DOCK4: variants seen among roughly 807,000 people sequenced by gnomAD.
DOCK4 encodes dedicator of cytokinesis 4.
DOCK4 carries 97 observed loss-of-function variants against 268.1 expected under a neutral mutation model. The ratio of observed to expected loss-of-function variants is 0.36; its 90% CI spans 0.31 to 0.43. The LOEUF (loss-of-function observed/expected upper bound fraction) is 0.43, where lower values mean the gene tolerates loss of function less well. Ranked by LOEUF, DOCK4 falls within the 20% of genes least tolerant of loss-of-function variation. The pLI is 1.00. For synonymous variants in DOCK4, 954 were observed against 887.2 expected (o/e 1.08, Z -1.34); for missense variants, 2,145 against 2,455.7 (o/e 0.87, Z 2.67).
intron 44 of DOCK4, among the ~76,000 whole-genome samples, chr7:111,744,995 G>A (rs1443872082): frequency 6.6e-6 from 1 of 152,146 alleles, no homozygotes; most frequent in East Asian, 1.9e-4. Flanking sequence ...CCTTTGTCAT[G>A]TTTCATCACA....
intron 1 of DOCK4, among the ~76,000 whole-genome samples, chr7:112,169,043 T>A (rs1224890095): frequency 6.6e-6 from 1 of 152,192 alleles, no homozygotes; most frequent in Non-Finnish European, 1.5e-5. Context: ...AGGAGGGCCC[T>A]AGTGGGAGGT....
At chr7:111,782,998 GA>G (rs1220100277) in intron 34 of DOCK4, 74 bp from the exon 35 acceptor site, 37 of 884,484 alleles carry the variant, frequency 4.2e-5, no homozygotes, top group South Asian at 7.7e-5. Context: ...CTTTTTGGGG[GA>G]AAAAAAGAAA....
chr7:111,765,270 T>C, intron 38 of DOCK4, 48 bp from the exon 39 acceptor site: 1 of 1,039,334 alleles, frequency 9.6e-7, no homozygotes, highest in Non-Finnish European at 1.4e-6. Flanking sequence ...ATCTTTCGGT[T>C]CTATCAAATT....
chr7:112,157,287 G>C (rs1159241264), intron 1 of DOCK4, among the ~76,000 whole-genome samples: 1 of 152,126 alleles, frequency 6.6e-6, no homozygotes, highest in Non-Finnish European at 1.5e-5. Flanking sequence ...AGTAATTACA[G>C]AGTGCTTATC....
At chr7:112,180,622 C>A (rs1818938974) in intron 1 of DOCK4, among the ~76,000 whole-genome samples, 2 of 152,112 alleles carry the variant, frequency 1.3e-5, no homozygotes, top group African/African-American at 4.8e-5. Flanking sequence ...TGTGTCCGTG[C>A]CATGACGACA....
intron 24 of DOCK4, 130 bp from the exon 25 acceptor site, chr7:111,845,027 T>C (rs1803987076): frequency 1.6e-6 from 2 of 1,282,560 alleles, no homozygotes; most frequent in Admixed American, 2.3e-5. Context: ...GATCTCCTTT[T>C]ACAGTAAACA....
At chr7:111,762,048 G>C (rs1443828841) in intron 39 of DOCK4, among the ~76,000 whole-genome samples, 1 of 139,572 alleles carries the variant, frequency 7.2e-6, no homozygotes, top group East Asian at 1.9e-4. Context: ...ATATATGACA[G>C]TTTGTAAAAA....
At chr7:111,788,471 AATC>A (rs1465220955) in intron 32 of DOCK4, 188 bp downstream of exon 32, 1 of 580,358 alleles carries the variant, frequency 1.7e-6, no homozygotes, top group Non-Finnish European at 3.1e-6. Flanking sequence ...AGACATGCCT[AATC>A]ATCAACATTA....
intron 26 of DOCK4, among the ~76,000 whole-genome samples, chr7:111,826,775 G>A (rs1428854934): frequency 6.6e-6 from 1 of 152,046 alleles, no homozygotes; most frequent in East Asian, 1.9e-4. Context: ...TACCTATTGG[G>A]TACTACATTC....
At position 111,863,455 on chromosome 7, in the gene DOCK4, A is replaced by G. The variant is rs1563609282; in HGVS notation, c.2390T>C (p.Ile797Thr). ...CTGCAGGGAATCATCCACATGCAGGATGGTCGGCAGACTGCCCAGGGTGTC... is the reference window on the plus strand; with the variant it reads ...CTGCAGGGAATCATCCACATGCAGGGTGGTCGGCAGACTGCCCAGGGTGTC... ...VQDTLGSLPTILHVDDSLQAI... is the reference protein window; with the variant it reads ...VQDTLGSLPTTLHVDDSLQAI... The change falls in exon 23 of 53, where the codon ATC (isoleucine) becomes ACC (threonine). Residue 797 changes from isoleucine (I) to threonine (T), a missense_variant. By Grantham distance (89) the Ile-to-Thr change is moderately conservative (BLOSUM62 -1). This residue lies in a region of DOCK4 where 1,598 missense variants were observed against 1,986.7 expected (regional missense o/e 0.80). Transcript: ENST00000428084. The G allele has an allele frequency of 6.2e-7, 1 of 1,614,058 alleles. No individual in the cohort carries two copies. Among genetic ancestry groups the G allele is most frequent in the Non-Finnish European group, 8.5e-7 (1 of 1,179,898 alleles).
intron 15 of DOCK4, among the ~76,000 whole-genome samples, chr7:111,896,186 A>G (rs1808733347): frequency 6.6e-6 from 1 of 152,202 alleles, no homozygotes. Context: ...GGTCCATGAC[A>G]GAACTTCTTT....
At chr7:112,042,075 C>T (rs1339874506) in intron 1 of DOCK4, among the ~76,000 whole-genome samples, 2 of 152,140 alleles carry the variant, frequency 1.3e-5, no homozygotes, top group Admixed American at 1.3e-4. Context: ...CAGTGTACTA[C>T]TACCACTCTT....
chr7:112,197,204 G>A (rs1292289856), intron 1 of DOCK4, among the ~76,000 whole-genome samples: 1 of 151,274 alleles, frequency 6.6e-6, no homozygotes, highest in Non-Finnish European at 1.5e-5. Flanking sequence ...TCATAAGCTA[G>A]AATTCCTTCC....
At chr7:111,734,005 T>TGGCTCAATCG (rs1795295673) in intron 51 of DOCK4, among the ~76,000 whole-genome samples, 6 of 151,940 alleles carry the variant, frequency 3.9e-5, no homozygotes, top group Non-Finnish European at 7.4e-5. Context: ...TGGCTCAATC[T>TGGCTCAATCG]TGGCTCACTG....
intron 23 of DOCK4, chr7:111,863,002 A>G (rs1224692614): frequency 4.5e-6 from 1 of 224,392 alleles, no homozygotes; most frequent in Admixed American, 5.5e-5. Context: ...CTCTTGGGGT[A>G]AAGTAAAAAA....
chr7:112,059,134 CTTTTTTTTTTTTT>C (rs572050793), intron 1 of DOCK4, among the ~76,000 whole-genome samples: 1 of 98,978 alleles, frequency 1.0e-5, no homozygotes, highest in Non-Finnish European at 1.8e-5. Flanking sequence ...GCAGCATTTC[CTTTTTTTTTTTTT>C]TTTTTTTTTT....
chr7:112,111,000 G>C (rs1330919499), intron 1 of DOCK4, among the ~76,000 whole-genome samples: 3 of 152,216 alleles, frequency 2.0e-5, no homozygotes, highest in Non-Finnish European at 4.4e-5. Flanking sequence ...TTGCCCCTTG[G>C]ATGTCCACCC....
At chr7:111,785,350 C>T (rs1375661157) in intron 32 of DOCK4, among the ~76,000 whole-genome samples, 3 of 152,064 alleles carry the variant, frequency 2.0e-5, no homozygotes, top group Non-Finnish European at 4.4e-5. Flanking sequence ...AAAAGCAATG[C>T]GGAATGATGT....
intron 1 of DOCK4, among the ~76,000 whole-genome samples, chr7:112,030,602 T>TCTACAC (rs1349174882): frequency 2.8e-4 from 43 of 152,272 alleles, no homozygotes; most frequent in African/African-American, 8.2e-4. Context: ...ATGAGAAAAG[T>TCTACAC]CTTAACAGAC....
Sources: gnomAD v4.1 joint callset for allele counts (sites outside exome capture counted in the v4.1 genomes callset) on GRCh38, gnomAD v4.1.1 for gene constraint, gnomAD v4.1.1 regional missense constraint, MANE v1.5 for transcripts, NCBI Gene and HGNC (gene_info 2026-07-23, HGNC 2026-07-21) for gene names.